CHN1: variants seen among roughly 807,000 people sequenced by gnomAD.
CHN1 encodes N-chimaerin.
Under a neutral mutation model 59.5 loss-of-function variants are expected in CHN1, and 37 were observed. The ratio of observed to expected loss-of-function variants is 0.62; its 90% CI spans 0.48 to 0.82. The LOEUF is 0.82. Among genes scored for constraint, CHN1 ranks in the 40% least tolerant of loss-of-function variants. CHN1 has a pLI of 0.00. For missense variants in CHN1, 469 were observed against 571.0 expected (o/e 0.82, Z 1.82); for synonymous variants, 206 against 200.4 (o/e 1.03, Z -0.24).
At chr2:174,921,246 G>A (rs1344517134) in intron 3 of CHN1, among the ~76,000 whole-genome samples, 8 of 152,200 alleles carry the variant, frequency 5.3e-5, no homozygotes. Context: ...CTAGGCCAGT[G>A]CCTTTTGTCT....
intron 7 of CHN1, among the ~76,000 whole-genome samples, chr2:174,834,517 T>C (rs1176513524): frequency 2.0e-5 from 3 of 152,246 alleles, no homozygotes; most frequent in Non-Finnish European, 2.9e-5. Flanking sequence ...CTCTGAAAGA[T>C]ATATTTGCTA....
In CHN1 at chr2:175,004,909, C is replaced by G. The variant is rs1203464894; in HGVS notation, c.4G>C (p.Ala2Pro). The G allele has an allele frequency of 6.5e-7, 1 of 1,536,686 alleles. No individual in the cohort carries two copies. Among genetic ancestry groups the G allele is most frequent in the African/African-American group, 1.4e-5 (1 of 70,928 alleles). M[A>P]LTLFDTDEYR... ...CTGCACTTACCAAACAGGGTCAGGG[C>G]CATTGTAAAGGCGCTCGCCGCCGCC... Residue 2 changes from alanine (A) to proline (P), a missense_variant, in exon 1 of 13, where the codon GCC becomes CCC. Transcript: ENST00000409900.
intron 7 of CHN1, among the ~76,000 whole-genome samples, chr2:174,828,115 G>C (rs899813231): frequency 2.0e-5 from 3 of 152,286 alleles, no homozygotes; most frequent in African/African-American, 7.2e-5. Context: ...GTGGGACCTA[G>C]GGTCAGAAAG....
At chr2:174,837,764 A>T (rs1342159309) in intron 7 of CHN1, among the ~76,000 whole-genome samples, 2 of 152,190 alleles carry the variant, frequency 1.3e-5, no homozygotes, top group Non-Finnish European at 2.9e-5. Context: ...CAGCTACCAG[A>T]AGTTTTTGTG....
rs71031078 is a variant in CHN1, at chr2:174,976,126, CAAAAAAAAAAAAAAAA to C, written c.20-23940_20-23925del. On this transcript the variant is annotated intron_variant, in intron 1 of 12. Coordinates refer to ENST00000409900, the MANE Select transcript of CHN1 (RefSeq NM_001822.7). ...GGGCCAACAGGGCAAGACTCCGTCT[CAAAAAAAAAAAAAAAA>C]AAAAAAAAAAAAGGACTAAGATTTT... Among the ~76,000 whole-genome samples, 6 of 50,188 alleles carry C rather than the reference CAAAAAAAAAAAAAAAA, an allele frequency of 1.2e-4. No individual in the cohort carries two copies. In the East Asian group the frequency reaches 2.3e-3, roughly 19 times the overall value. 32.9% of individuals were successfully genotyped at this position (50,188 alleles called of 152,430 possible).
intron 1 of CHN1, among the ~76,000 whole-genome samples, chr2:174,996,539 T>C (rs954463294): frequency 2.6e-5 from 4 of 152,182 alleles, no homozygotes; most frequent in African/African-American, 9.7e-5. Context: ...TGATTACCTG[T>C]AAAGAAATTG....
chr2:174,976,017 T>G (rs1360809694), intron 1 of CHN1, among the ~76,000 whole-genome samples: 1 of 148,548 alleles, frequency 6.7e-6, no homozygotes, highest in Non-Finnish European at 1.5e-5. Context: ...TCCCAGCTAC[T>G]TGGGAGGCTG....
chr2:174,977,878 C>A (rs1690998866), intron 1 of CHN1, among the ~76,000 whole-genome samples: 1 of 152,056 alleles, frequency 6.6e-6, no homozygotes, highest in Admixed American at 6.5e-5. Context: ...CCCCCCATTG[C>A]TAAATCTGAC....
rs1359598076 is a variant in CHN1 at position 174,865,291 on chromosome 2, T to G, written c.549+12549A>C. 2.0e-5 allele frequency among the ~76,000 whole-genome samples: 3 copies of G among 152,176 alleles called. No individual in the cohort carries two copies. In the East Asian group the frequency reaches 5.8e-4, roughly 29 times the overall value. On this transcript the variant is annotated intron_variant, in intron 6 of 12. Transcript: ENST00000409900. ...GGGCAGCTCTAGAGGTACTACTCCC[T>G]TTTGGTAAACTAACTACTTAAAAGA... is the stretch of plus-strand genomic sequence containing the variant.
chr2:174,994,799 G>C (rs1290719927), intron 1 of CHN1, among the ~76,000 whole-genome samples: 1 of 152,216 alleles, frequency 6.6e-6, no homozygotes, highest in African/African-American at 2.4e-5. Flanking sequence ...CAGTCTCTAA[G>C]TGGGAGACAG....
chr2:174,999,112 CCT>C (rs1166210478), intron 1 of CHN1, among the ~76,000 whole-genome samples: 5 of 150,342 alleles, frequency 3.3e-5, no homozygotes, highest in African/African-American at 9.8e-5. Flanking sequence ...CATACTGTAC[CCT>C]GTTTCCTTAG....
intron 7 of CHN1, among the ~76,000 whole-genome samples, chr2:174,844,196 A>G (rs1297277230): frequency 8.0e-6 from 1 of 124,472 alleles, no homozygotes; most frequent in Non-Finnish European, 1.8e-5. Flanking sequence ...ATAAGTAACA[A>G]TAGAAAAAAA....
intron 3 of CHN1, among the ~76,000 whole-genome samples, chr2:174,922,736 A>G (rs1370717317): frequency 6.6e-6 from 1 of 152,136 alleles, no homozygotes; most frequent in East Asian, 1.9e-4. Flanking sequence ...AAAAAAAGAA[A>G]TATTTTAAAT....
rs1335330674 is a variant in CHN1, at chr2:175,005,129, G to A, written c.-217C>T. The A allele has an allele frequency of 7.6e-7, 1 of 1,310,378 alleles. No individual in the cohort carries two copies. The highest frequency in any genetic ancestry group is 1.6e-5 in the African/African-American group (1 of 63,912). 81.2% of individuals were successfully genotyped at this position (1,310,378 alleles called of 1,614,324 possible). A position where few individuals can be genotyped will look rare whatever the true frequency, so the allele number is the denominator to read the frequency against. On this transcript the variant is annotated 5_prime_UTR_variant, in exon 1 of 13. Coordinates refer to ENST00000409900, the MANE Select transcript of CHN1 (RefSeq NM_001822.7). Reference sequence around the variant, plus strand: ...GTTATTGTCGGGCGCACCGGGCCCAGGGAGCCCCGCTAGCTCTCCGCGAGC... The same window carrying A: ...GTTATTGTCGGGCGCACCGGGCCCAAGGAGCCCCGCTAGCTCTCCGCGAGC...
chr2:174,801,617 GATT>G (rs1351753769), intron 12 of CHN1, 87 bp downstream of exon 12: 2 of 881,156 alleles, frequency 2.3e-6, no homozygotes, highest in African/African-American at 3.3e-5. Context: ...TCATTCAATA[GATT>G]ATTTGTCCTT....
At chr2:174,808,647 C>T (rs1222314672) in intron 11 of CHN1, among the ~76,000 whole-genome samples, 3 of 151,080 alleles carry the variant, frequency 2.0e-5, no homozygotes, top group African/African-American at 7.3e-5. Context: ...AAAGCATTGG[C>T]TTACATCTAA....
chr2:175,004,801 C>A, intron 1 of CHN1, 93 bp downstream of exon 1: 2 of 714,094 alleles, frequency 2.8e-6, no homozygotes, highest in Non-Finnish European at 3.5e-6. Flanking sequence ...CGCGCCGCGC[C>A]CCCTCCCCGG....
chr2:175,004,156 A>C (rs952609451), intron 1 of CHN1, among the ~76,000 whole-genome samples: 32 of 152,258 alleles, frequency 2.1e-4, no homozygotes, highest in African/African-American at 7.7e-4. Flanking sequence ...GTAAAAGGAA[A>C]GAATGTATCT....
intron 3 of CHN1, among the ~76,000 whole-genome samples, chr2:174,933,910 G>A (rs1249804278): frequency 6.6e-6 from 1 of 152,210 alleles, no homozygotes; most frequent in Non-Finnish European, 1.5e-5. Flanking sequence ...TGTGACAGTG[G>A]AAGTTTGTGG....
Sources: allele counts gnomAD v4.1 joint callset (sites outside exome capture counted in the v4.1 genomes callset), GRCh38; gene constraint gnomAD v4.1.1; transcripts MANE v1.5; gene names NCBI Gene and HGNC (gene_info 2026-07-23, HGNC 2026-07-21).